Variants in CHEK1 observed in about 807,000 individuals in gnomAD.
The protein encoded by CHEK1 is serine/threonine-protein kinase Chk1.
In CHEK1, 32 loss-of-function variants were observed where a neutral mutation model predicts 60.2. That is an observed-to-expected ratio of 0.53 (90% CI 0.40 to 0.71). The LOEUF is 0.71. Among genes scored for constraint, CHEK1 ranks in the 30% least tolerant of loss-of-function variants. The pLI, the probability that CHEK1 is intolerant of heterozygous loss-of-function variation, is 0.00. For synonymous variants in CHEK1, 179 were observed against 187.2 expected (o/e 0.96, Z 0.36); for missense variants, 399 against 564.6 (o/e 0.71, Z 2.97).
intron 13 of CHEK1, among the ~76,000 whole-genome samples, chr11:125,668,490 G>A (rs1250356948): frequency 1.3e-5 from 2 of 152,032 alleles, no homozygotes; most frequent in South Asian, 2.1e-4. Context: ...CCACCTAATT[G>A]TTGGGGGTTT....
At chr11:125,677,350 A>G (rs1942559682), downstream of CHEK1, among the ~76,000 whole-genome samples, 1 of 152,192 alleles carries the variant, frequency 6.6e-6, no homozygotes. Context: ...TTTACATTCC[A>G]TGTTCAAACA....
At chr11:125,637,338 G>C in intron 7 of CHEK1, 111 bp from the exon 8 acceptor site, 1 of 689,126 alleles carries the variant, frequency 1.5e-6, no homozygotes, top group South Asian at 2.7e-5. Context: ...CTCTTCCCCA[G>C]GAATAATATT....
intron 7 of CHEK1, among the ~76,000 whole-genome samples, chr11:125,636,627 C>T (rs1295239302): frequency 2.0e-5 from 3 of 151,838 alleles, no homozygotes; most frequent in Non-Finnish European, 2.9e-5. Flanking sequence ...AAATTTAATA[C>T]TAATGAAGTT....
At position 125,626,595 on chromosome 11, in the gene CHEK1, T is replaced by C. The variant is rs974012727; in HGVS notation, c.-20-154T>C. 5 of 655,124 alleles carry C rather than the reference T, an allele frequency of 7.6e-6. No homozygotes were observed. The African/African-American group carries it at 9.1e-5, about 12-fold the overall frequency. The allele number at this position is 655,124 out of a possible 1,614,324, so 40.6% of individuals were successfully genotyped here. A position where few individuals can be genotyped will look rare whatever the true frequency, so the allele number is the denominator to read the frequency against. ...AAAATGGTCAGGTTTAGAATAGTTG[T>C]TCGTGGTTGAAAGACTTGGATAAAT... On this transcript the variant is annotated intron_variant, in intron 1 of 12. Coordinates refer to ENST00000438015, the MANE Select transcript of CHEK1 (RefSeq NM_001114122.3).
intron 5 of CHEK1, among the ~76,000 whole-genome samples, chr11:125,632,688 A>G (rs987562604): frequency 2.6e-5 from 4 of 152,126 alleles, no homozygotes; most frequent in African/African-American, 9.7e-5. Context: ...GAAGAAAAAA[A>G]TTACTGTGGT....
chr11:125,626,680 A>G lies in CHEK1; in HGVS notation c.-20-69A>G. The G allele has an allele frequency of 5.7e-6, 8 of 1,396,098 alleles. No individual in the cohort carries two copies. The South Asian group carries it at 9.3e-5, about 16-fold the overall frequency. The allele number at this position is 1,396,098 out of a possible 1,614,324, so 86.5% of individuals were successfully genotyped here. On this transcript the variant is annotated intron_variant, in intron 1 of 12. Transcript: ENST00000438015. Reference sequence around the variant, plus strand: ...AATTTTCGTGGGCAATCCTGGGGAGAGGCGGGGCTCAGTGGCTTCACTGGT... The same window carrying G: ...AATTTTCGTGGGCAATCCTGGGGAGGGGCGGGGCTCAGTGGCTTCACTGGT...
chr11:125,644,111 C>T lies in CHEK1; in HGVS notation c.944C>T (p.Ser315Phe). The change falls in exon 10 of 13, where the codon TCC becomes TTC. Residue 315 changes from serine (S) to phenylalanine (F), a missense_variant. By Grantham distance (155) the Ser-to-Phe change is radical. Coordinates refer to ENST00000438015, the MANE Select transcript of CHEK1 (RefSeq NM_001114122.3). ...SASSEENVKYSSSQPEPRTGL... is the reference protein window; with the variant it reads ...SASSEENVKYFSSQPEPRTGL... ...CTCAGTGAAGAAAATGTGAAGTACT[C>T]CAGTTCTCAGCCAGAACCCCGCACA... 6.2e-7 allele frequency: 1 copy of T among 1,611,584 alleles called. No individual in the cohort carries two copies. The highest frequency in any genetic ancestry group is 8.5e-7 in the Non-Finnish European group (1 of 1,179,474).
At chr11:125,676,142 A>T (rs1008126653) in exon 14 of CHEK1, 2 of 499,420 alleles carry the variant, frequency 4.0e-6, no homozygotes, top group Non-Finnish European at 7.1e-6. Context: ...TCCTGACCTC[A>T]AGTGATCCAC....
At chr11:125,645,042 T>C (rs1303520707) in intron 11 of CHEK1, among the ~76,000 whole-genome samples, 1 of 152,154 alleles carries the variant, frequency 6.6e-6, no homozygotes, top group African/African-American at 2.4e-5. Context: ...ACAAAGTAAT[T>C]AGTTAATTTG....
chr11:125,668,245 T>C (rs1459975053), intron 13 of CHEK1, among the ~76,000 whole-genome samples: 1 of 152,220 alleles, frequency 6.6e-6, no homozygotes, highest in Non-Finnish European at 1.5e-5. Flanking sequence ...TCATGTCCCC[T>C]TAGTCTCCTT....
chr11:125,633,119 CA>C (rs1940930939), intron 5 of CHEK1, 43 bp from the exon 6 acceptor site: 1 of 1,518,250 alleles, frequency 6.6e-7, no homozygotes. Context: ...TATCTATTTG[CA>C]AAACATTTTT....
At chr11:125,626,085 G>A (rs991746730) in intron 1 of CHEK1, 73 bp downstream of exon 1, 1 of 661,244 alleles carries the variant, frequency 1.5e-6, no homozygotes, top group Non-Finnish European at 2.8e-6. Context: ...AGTGAGGGAG[G>A]GCATGGTGGG....
rs1477365008 is a variant in CHEK1, at chr11:125,653,456, C to T, written c.1234-290C>T. Among the ~76,000 whole-genome samples the T allele has an allele frequency of 6.6e-6, 1 of 152,192 alleles. No homozygotes were observed. The highest frequency in any genetic ancestry group is 1.5e-5 in the Non-Finnish European group (1 of 68,028). On this transcript the variant is annotated intron_variant, in intron 11 of 12. Transcript: ENST00000438015. The surrounding 1 kb of genome is among the most constrained non-coding windows in gnomAD (Gnocchi z 4.3). ...GTCTGAAGCGATCCTTCTGCTTTGG[C>T]CTCCCAAAGTGCTGGATTACAGGCG...
chr11:125,668,465 A>C (rs1174846120), intron 13 of CHEK1, among the ~76,000 whole-genome samples: 1 of 151,828 alleles, frequency 6.6e-6, no homozygotes, highest in Non-Finnish European at 1.5e-5. Context: ...TTTTTGTTTA[A>C]CATTTTTATT....
intron 13 of CHEK1, among the ~76,000 whole-genome samples, chr11:125,667,372 A>G (rs1022192892): frequency 1.3e-5 from 2 of 152,170 alleles, no homozygotes; most frequent in Admixed American, 6.5e-5. Flanking sequence ...TTCCTTGTAA[A>G]TGATTCCTCT....
chr11:125,631,899 A>C (rs1327941560), intron 5 of CHEK1, among the ~76,000 whole-genome samples: 1 of 147,730 alleles, frequency 6.8e-6, no homozygotes, highest in Non-Finnish European at 1.5e-5. Flanking sequence ...GGGTAATCAC[A>C]GTAGCTACCT....
intron 1 of CHEK1, chr11:125,626,478 T>C: frequency 2.0e-6 from 1 of 502,104 alleles, no homozygotes; most frequent in East Asian, 3.2e-5. Flanking sequence ...CTCCCACCTC[T>C]TCATAACAAC....
chr11:125,649,299 G>A (rs952378738), intron 11 of CHEK1, among the ~76,000 whole-genome samples: 1 of 152,092 alleles, frequency 6.6e-6, no homozygotes, highest in African/African-American at 2.4e-5. Context: ...TGACCCTCCT[G>A]CCTTGGCCTC....
At chr11:125,643,058 T>C (rs1941363585) in intron 8 of CHEK1, 5 of 152,242 alleles carry the variant, frequency 3.3e-5, no homozygotes, top group Admixed American at 3.3e-4. Context: ...GAATGTTGGC[T>C]ATAGCAGATT....
Sources: gnomAD v4.1 joint callset for allele counts (sites outside exome capture counted in the v4.1 genomes callset) on GRCh38, gnomAD v4.1.1 for gene constraint, Gnocchi (gnomAD v3.1) non-coding constraint, MANE v1.5 for transcripts, NCBI Gene and HGNC (gene_info 2026-07-23, HGNC 2026-07-21) for gene names.